The following DDX10 variants were observed in gnomAD, a reference collection of about 807,000 sequenced individuals.
DDX10 encodes DEAD-box helicase 10.
Under a neutral mutation model 104.3 loss-of-function variants are expected in DDX10, and 74 were observed. That is an observed-to-expected ratio of 0.71 (90% CI 0.59 to 0.86). DDX10 has a LOEUF of 0.86. Among genes scored for constraint, DDX10 ranks in the 40% least tolerant of loss-of-function variants. The pLI, the probability that DDX10 is intolerant of heterozygous loss-of-function variation, is 0.00. For missense variants in DDX10, 952 were observed against 1,040.0 expected (o/e 0.92, Z 1.16); for synonymous variants, 351 against 353.4 (o/e 0.99, Z 0.08).
At chr11:108,667,900 CTTT>C (rs781304011) in intron 1 of DDX10, among the ~76,000 whole-genome samples, 5 of 152,156 alleles carry the variant, frequency 3.3e-5, no homozygotes, top group African/African-American at 4.8e-5. Context: ...TGATTGGCTT[CTTT>C]AACTTTTTTA....
At chr11:108,739,300 C>G (rs1378287936) in intron 13 of DDX10, among the ~76,000 whole-genome samples, 1 of 152,168 alleles carries the variant, frequency 6.6e-6, no homozygotes, top group Non-Finnish European at 1.5e-5. Flanking sequence ...TCCAGAGAGA[C>G]ACAGATTCCT....
intron 3 of DDX10, among the ~76,000 whole-genome samples, chr11:108,676,231 T>C (rs994589035): frequency 1.3e-5 from 2 of 152,224 alleles, no homozygotes; most frequent in African/African-American, 4.8e-5. Context: ...TCTTAGGCTT[T>C]CACTTCCATC....
At chr11:108,675,537 C>G in intron 2 of DDX10, 59 bp from the exon 3 acceptor site, 2 of 1,568,822 alleles carry the variant, frequency 1.3e-6, no homozygotes, top group South Asian at 2.4e-5. Context: ...ACTCACTTAG[C>G]CTATAATACC....
chr11:108,840,879 G>A (rs1381462076), intron 14 of DDX10, among the ~76,000 whole-genome samples: 5 of 152,126 alleles, frequency 3.3e-5, no homozygotes, highest in Middle Eastern at 3.2e-3. Flanking sequence ...ATAAAACAAC[G>A]CAGTGCAATG....
intron 13 of DDX10, among the ~76,000 whole-genome samples, chr11:108,816,232 C>T (rs1048318315): frequency 6.6e-5 from 10 of 152,170 alleles, no homozygotes; most frequent in African/African-American, 9.7e-5. Context: ...TCTCCATCTA[C>T]GTATGCTCCC....
intron 6 of DDX10, 30 bp from the exon 7 acceptor site, chr11:108,688,906 T>C (rs191049993): frequency 6.2e-7 from 1 of 1,605,634 alleles, no homozygotes; most frequent in East Asian, 2.2e-5. Context: ...TGACATATTC[T>C]AATGTTTTTC....
At chr11:108,846,221 A>G (rs546712268) in intron 15 of DDX10, among the ~76,000 whole-genome samples, 6 of 152,350 alleles carry the variant, frequency 3.9e-5, no homozygotes, top group East Asian at 1.9e-4. Context: ...AAATCAGGCT[A>G]ATTAACATAA....
chr11:108,921,564 G>A (rs893938820), intron 17 of DDX10: 3 of 152,104 alleles, frequency 2.0e-5, no homozygotes, highest in Non-Finnish European at 4.4e-5. Flanking sequence ...CCAGCCTCTT[G>A]GACATCATCA....
In DDX10 at chr11:108,888,648, C is replaced by A. The variant is rs1863333625; in HGVS notation, c.2305-29225C>A. ...ATGCTGCAGAATACCTATGTCCTTT[C>A]CTAATTGGATGAGATTGGCTTAAAC... On this transcript the variant is annotated intron_variant, in intron 16 of 17. Transcript: ENST00000322536. 3.3e-5 allele frequency among the ~76,000 whole-genome samples: 5 copies of A among 152,114 alleles called. No homozygotes were observed. The South Asian group carries it at 1.0e-3, about 32-fold the overall frequency.
At chr11:108,899,421 A>G (rs1241200997) in intron 16 of DDX10, among the ~76,000 whole-genome samples, 1 of 152,186 alleles carries the variant, frequency 6.6e-6, no homozygotes, top group Admixed American at 6.5e-5. Context: ...ATAAACAGGA[A>G]AAGAGGGAGA....
At position 108,933,918 on chromosome 11, in the gene DDX10, T is replaced by TTAAG. The variant is rs147091201; in HGVS notation, c.2451-6327_2451-6324dup. Among the ~76,000 whole-genome samples the TTAAG allele has an allele frequency of 3.0e-3, 457 of 152,332 alleles. 4 individuals carry two copies. Among genetic ancestry groups the TTAAG allele is most frequent in the African/African-American group, 0.01 (425 of 41,570 alleles). On this transcript the variant is annotated intron_variant, in intron 17 of 17. Transcript: ENST00000322536. ...TATTCATGTCTTCAAGAAACATGTA[T>TTAAG]TAAGCCCTTGGGTACCAAGGCAGTG...
At chr11:108,856,139 A>G (rs894290221) in intron 16 of DDX10, among the ~76,000 whole-genome samples, 3 of 152,144 alleles carry the variant, frequency 2.0e-5, no homozygotes, top group African/African-American at 7.2e-5. Context: ...AATTAATTTT[A>G]AAACTCTAGG....
At chr11:108,798,430 A>G (rs1047381601) in intron 13 of DDX10, among the ~76,000 whole-genome samples, 3 of 152,154 alleles carry the variant, frequency 2.0e-5, no homozygotes, top group Admixed American at 6.5e-5. Context: ...TACCTTTTAA[A>G]CAGTAACTCT....
intron 5 of DDX10, 75 bp downstream of exon 5, chr11:108,678,510 A>C (rs978671498): frequency 2.1e-5 from 28 of 1,336,874 alleles, no homozygotes; most frequent in Non-Finnish European, 2.8e-5. Context: ...CATTTTTATG[A>C]TAGAAATTTT....
At chr11:108,731,175 C>T (rs1410782913) in intron 13 of DDX10, among the ~76,000 whole-genome samples, 3 of 151,906 alleles carry the variant, frequency 2.0e-5, no homozygotes, top group South Asian at 2.1e-4. Context: ...CTCAGCCTCC[C>T]GAGTAGCTGA....
chr11:108,665,560 A>C (rs10789675), intron 1 of DDX10, among the ~76,000 whole-genome samples: 71,776 of 151,582 alleles, frequency 0.47, 19,892 homozygotes, highest in Non-Finnish European at 0.61. Flanking sequence ...GGCCGTACCT[A>C]AGGGTAGGGA....
At chr11:108,679,224 CAT>C in intron 5 of DDX10, 145 bp from the exon 6 acceptor site, 2 of 663,840 alleles carry the variant, frequency 3.0e-6, no homozygotes, top group Non-Finnish European at 5.0e-6. Flanking sequence ...ATTGCTACAT[CAT>C]ATAAATTCCA....
chr11:108,689,652 GGATTTCAGA>G (rs2094249362), intron 7 of DDX10, among the ~76,000 whole-genome samples: 1 of 152,186 alleles, frequency 6.6e-6, no homozygotes. Context: ...TAAAGAATAA[GGATTTCAGA>G]GATGTCTAAG....
At chr11:108,764,162 A>AT (rs1292861992) in intron 13 of DDX10, among the ~76,000 whole-genome samples, 1 of 152,052 alleles carries the variant, frequency 6.6e-6, no homozygotes, top group African/African-American at 2.4e-5. Flanking sequence ...ATTTTATTTT[A>AT]TTTTTTTAAA....
Sources: allele counts gnomAD v4.1 joint callset (sites outside exome capture counted in the v4.1 genomes callset), GRCh38; gene constraint gnomAD v4.1.1; transcripts MANE v1.5; gene names NCBI Gene and HGNC (gene_info 2026-07-23, HGNC 2026-07-21).